Variants in RSRC1 observed in about 807,000 individuals in gnomAD.
RSRC1 encodes serine/Arginine-related protein 53.
In RSRC1, 39 loss-of-function variants were observed where a neutral mutation model predicts 49.1. That is an observed-to-expected ratio of 0.79 (90% CI 0.61 to 1.04). The LOEUF (loss-of-function observed/expected upper bound fraction) is 1.04, where lower values mean the gene tolerates loss of function less well. Ranked by LOEUF, RSRC1 falls within the 50% of genes least tolerant of loss-of-function variation. RSRC1 has a pLI of 0.00. For missense variants in RSRC1, 388 were observed against 402.4 expected, an observed-to-expected ratio of 0.96 and a Z score of 0.31; for synonymous variants, 143 against 130.8, an observed-to-expected ratio of 1.09 and a Z score of -0.63.
intron 7 of RSRC1, among the ~76,000 whole-genome samples, chr3:158,481,884 A>G (rs2108436757): frequency 6.6e-6 from 1 of 152,144 alleles, no homozygotes; most frequent in East Asian, 1.9e-4. Flanking sequence ...GCTGCTAAAG[A>G]GCAGAAACCA....
chr3:158,264,589 T>A (rs982275642), intron 4 of RSRC1, among the ~76,000 whole-genome samples: 1 of 152,216 alleles, frequency 6.6e-6, no homozygotes, highest in African/African-American at 2.4e-5. Context: ...CTATCAAATA[T>A]TGAGAGAATA....
chr3:158,122,124 ATAC>A lies in RSRC1; in HGVS notation c.22_24del (p.Thr8del), dbSNP rs751839609. ...ATAGAAATGGGACGTCGGTCATCAG[ATAC>A]TGAAGAAGAAAGCAGAAGCAAGAGA... is the stretch of plus-strand genomic sequence containing the variant. On this transcript the variant is annotated inframe_deletion, in exon 2 of 10. Transcript: ENST00000611884. 6.5e-7 allele frequency: 1 copy of A among 1,533,706 alleles called. No homozygotes were observed.
At chr3:158,377,951 G>A (rs1050859330) in intron 6 of RSRC1, among the ~76,000 whole-genome samples, 11 of 152,020 alleles carry the variant, frequency 7.2e-5, no homozygotes, top group Admixed American at 2.0e-4. Flanking sequence ...ATAAGCCACC[G>A]CGCCCTGCCC....
intron 3 of RSRC1, among the ~76,000 whole-genome samples, chr3:158,175,358 T>C (rs979525687): frequency 1.1e-4 from 16 of 152,160 alleles, no homozygotes; most frequent in African/African-American, 3.6e-4. Context: ...TTAGTACTTT[T>C]TGTGTTTGTT....
intron 6 of RSRC1, among the ~76,000 whole-genome samples, chr3:158,409,359 G>A (rs931436942): frequency 1.1e-4 from 16 of 152,276 alleles, no homozygotes; most frequent in African/African-American, 3.6e-4. Context: ...AGTCCAGCAA[G>A]TCACAAATAT....
intron 7 of RSRC1, among the ~76,000 whole-genome samples, chr3:158,500,693 A>G (rs546453113): frequency 2.6e-5 from 4 of 152,210 alleles, no homozygotes; most frequent in East Asian, 1.9e-4. Context: ...AAGATCATTC[A>G]CTGGTGTGAG....
chr3:158,313,979 A>G (rs1423496146), intron 5 of RSRC1, among the ~76,000 whole-genome samples: 2 of 152,240 alleles, frequency 1.3e-5, no homozygotes, highest in East Asian at 1.9e-4. Context: ...TAAACACAAA[A>G]TATCTCTAAA....
At chr3:158,127,542 TTTG>T (rs1715707383) in intron 3 of RSRC1, among the ~76,000 whole-genome samples, 1 of 152,068 alleles carries the variant, frequency 6.6e-6, no homozygotes, top group South Asian at 2.1e-4. Flanking sequence ...GTAATTTCTC[TTTG>T]TTGATAGTCT....
chr3:158,217,782 A>C (rs998682037), intron 4 of RSRC1, among the ~76,000 whole-genome samples: 4 of 151,030 alleles, frequency 2.6e-5, no homozygotes, highest in African/African-American at 4.9e-5. Flanking sequence ...GGAATTGTAA[A>C]TATGAAATCA....
At position 158,517,338 on chromosome 3, in the gene RSRC1, C is replaced by T. The variant is rs550788623; in HGVS notation, c.653-19754C>T. On this transcript the variant is annotated intron_variant, in intron 7 of 9. Transcript: ENST00000611884. ...TCTCTTTCCACTTGTTATATCATTT[C>T]TTTCTTTTTCTTTTCTCACTGCACT... 3.9e-5 allele frequency among the ~76,000 whole-genome samples: 6 copies of T among 152,156 alleles called. No homozygotes were observed. The South Asian group carries it at 1.2e-3, about 32-fold the overall frequency.
intron 6 of RSRC1, among the ~76,000 whole-genome samples, chr3:158,389,049 A>C (rs993787200): frequency 9.2e-5 from 14 of 152,220 alleles, no homozygotes; most frequent in South Asian, 2.1e-4. Context: ...TAGAAAAAAA[A>C]CAGATTATTC....
intron 4 of RSRC1, among the ~76,000 whole-genome samples, chr3:158,265,756 CA>C (rs1725137254): frequency 6.6e-6 from 1 of 152,102 alleles, no homozygotes; most frequent in Non-Finnish European, 1.5e-5. Context: ...TGCAATTTAT[CA>C]GCTTTTTTCA....
At chr3:158,345,792 CATAT>C (rs1242376642) in intron 5 of RSRC1, among the ~76,000 whole-genome samples, 4 of 143,298 alleles carry the variant, frequency 2.8e-5, no homozygotes, top group Non-Finnish European at 6.1e-5. Context: ...TATATATACA[CATAT>C]ATATGTATTA....
chr3:158,454,500 CATTT>C (rs1175096790), intron 6 of RSRC1, among the ~76,000 whole-genome samples: 4 of 152,108 alleles, frequency 2.6e-5, no homozygotes, highest in Non-Finnish European at 5.9e-5. Flanking sequence ...CTAACACATT[CATTT>C]AGTCTTCAAC....
rs145809985 is a variant in RSRC1 at position 158,110,292 on chromosome 3, G to A, written c.-3+69G>A. 5.2e-3 allele frequency: 800 copies of A among 152,744 alleles called. 5 individuals carry two copies. The highest frequency in any genetic ancestry group is 9.3e-3 in the Non-Finnish European group (637 of 68,356). 9.5% of individuals were successfully genotyped at this position (152,744 alleles called of 1,614,324 possible). ...CGGAGCTCCGAGGCCCTGATCCGGC[G>A]AGAGGCGACGCGGGGCCTGGCGCAG... On this transcript the variant is annotated intron_variant, in intron 1 of 9. Transcript: ENST00000611884.
chr3:158,132,219 C>T, intron 3 of RSRC1: 1 of 396,826 alleles, frequency 2.5e-6, no homozygotes, highest in Non-Finnish European at 5.2e-6. Context: ...TTCCTGAGCT[C>T]AAGCGATCCC....
chr3:158,291,812 G>A (rs1303034667), intron 4 of RSRC1, among the ~76,000 whole-genome samples: 1 of 152,152 alleles, frequency 6.6e-6, no homozygotes, highest in African/African-American at 2.4e-5. Context: ...TCTGTTTTAA[G>A]AAAAGGTAAG....
chr3:158,155,316 T>C (rs1717794229), intron 3 of RSRC1, among the ~76,000 whole-genome samples: 1 of 152,228 alleles, frequency 6.6e-6, no homozygotes, highest in South Asian at 2.1e-4. Flanking sequence ...AAATTACTCC[T>C]TGATTCAGGG....
chr3:158,329,398 C>T (rs1729399364), intron 5 of RSRC1, among the ~76,000 whole-genome samples: 1 of 152,170 alleles, frequency 6.6e-6, no homozygotes, highest in Non-Finnish European at 1.5e-5. Flanking sequence ...ATGATGGTGA[C>T]ATACAGTTGG....
Sources: gnomAD v4.1 joint callset for allele counts (sites outside exome capture counted in the v4.1 genomes callset) on GRCh38, gnomAD v4.1.1 for gene constraint, MANE v1.5 for transcripts, NCBI Gene and HGNC (gene_info 2026-07-23, HGNC 2026-07-21) for gene names.